NKX6-1: variants seen among roughly 807,000 people sequenced by gnomAD.
NKX6-1 encodes homeobox protein Nkx-6.1.
A neutral mutation model predicts 24.9 loss-of-function variants in NKX6-1; 11 were observed. That is an observed-to-expected ratio of 0.44 (90% CI 0.28 to 0.73). The LOEUF is 0.73. Among genes scored for constraint, NKX6-1 ranks in the 30% least tolerant of loss-of-function variants. The probability of loss-of-function intolerance (pLI) is 0.15; values close to 1 mark genes in which losing one functional copy is unlikely to be tolerated. For missense variants in NKX6-1, 487 were observed against 502.9 expected, an observed-to-expected ratio of 0.97 and a Z score of 0.30; for synonymous variants, 277 against 242.9, an observed-to-expected ratio of 1.14 and a Z score of -1.31.
intron 2 of NKX6-1, among the ~76,000 whole-genome samples, chr4:84,494,070 C>G (rs996416145): frequency 2.0e-5 from 3 of 150,198 alleles, no homozygotes; most frequent in African/African-American, 7.4e-5. Flanking sequence ...CTCCTTTTCA[C>G]TTTTAAACAT....
rs775470237 is a variant in NKX6-1 at position 84,495,721 on chromosome 4, T to C, written c.794A>G (p.Glu265Gly). ...CAACGAATAGGCCAAACGAGCCCTC[T>C]CGGGCCCCGCCAAGTATTTTGTTTG... ...FEQTKYLAGP[E>G]RARLAYSLGM... The change falls in exon 2 of 3, where the codon GAG becomes GGG. Residue 265 changes from glutamate to glycine, a missense_variant. Coordinates refer to ENST00000295886, the MANE Select transcript of NKX6-1 (RefSeq NM_006168.3). 6 of 1,613,074 alleles carry C rather than the reference T, an allele frequency of 3.7e-6. No individual in the cohort carries two copies. In the South Asian group the frequency reaches 5.5e-5, roughly 15 times the overall value.
Position 84,495,640 on chromosome 4 carries a change from C to T in NKX6-1, c.843+32G>A, listed in dbSNP as rs117620724. The T allele has an allele frequency of 4.7e-3, 7,560 of 1,598,880 alleles. 225 individuals are homozygous for T. In the East Asian group the frequency reaches 0.052, roughly 11 times the overall value. Reference sequence around the variant, plus strand: ...GCACGCGCGCGCGACAGGGGCGGTACCTATCCCTCCAGGTATGCAAGGTCC... The same window carrying T: ...GCACGCGCGCGCGACAGGGGCGGTATCTATCCCTCCAGGTATGCAAGGTCC... On this transcript the variant is annotated intron_variant, in intron 2 of 2. Transcript: ENST00000295886.
chr4:84,493,658 C>A lies in NKX6-1; in HGVS notation c.844-109G>T. 2 of 1,371,592 alleles carry A rather than the reference C, an allele frequency of 1.5e-6. No homozygotes were observed. The highest frequency in any genetic ancestry group is 1.3e-5 in the South Asian group (1 of 75,094). 85.0% of individuals were successfully genotyped at this position (1,371,592 alleles called of 1,614,324 possible). ...TCTCGATGGCCCTCCCGCGGCCCCC[C>A]GAAGGCCTGCTGCCCTCCCTCGCAG... On this transcript the variant is annotated intron_variant, in intron 2 of 2. Coordinates refer to ENST00000295886, the MANE Select transcript of NKX6-1 (RefSeq NM_006168.3). The surrounding 1 kb of genome is among the most constrained non-coding windows in gnomAD (Gnocchi z 5.1).
chr4:84,496,083 A>T (rs1040810417), intron 1 of NKX6-1, among the ~76,000 whole-genome samples: 2 of 152,130 alleles, frequency 1.3e-5, no homozygotes, highest in Non-Finnish European at 2.9e-5. Flanking sequence ...CCTTCTGCTC[A>T]ACACCGACGT....
At position 84,498,419 on chromosome 4, in the gene NKX6-1, C is replaced by A; in HGVS notation, c.-191G>T. ...CGCCTAGCTGCGCAGCAGAGATGTC[C>A]AAACCCTCCACGCGGGAGGCGGCAG... On this transcript the variant is annotated 5_prime_UTR_variant, in exon 1 of 3. Coordinates refer to ENST00000295886, the MANE Select transcript of NKX6-1 (RefSeq NM_006168.3). 2 of 526,572 alleles carry A rather than the reference C, an allele frequency of 3.8e-6. No individual in the cohort carries two copies. The highest frequency in any genetic ancestry group is 5.8e-6 in the Non-Finnish European group (2 of 344,158). The allele number at this position is 526,572 out of a possible 1,614,324, so 32.6% of individuals were successfully genotyped here.
chr4:84,493,555 G>A lies in NKX6-1; in HGVS notation c.844-6C>T. 6.2e-7 allele frequency: 1 copy of A among 1,613,922 alleles called. No homozygotes were observed. Among genetic ancestry groups the A allele is most frequent in the Middle Eastern group, 1.7e-4 (1 of 6,060 alleles). On this transcript the variant is annotated splice_region_variant and splice_polypyrimidine_tract_variant and intron_variant, in intron 2 of 2. Transcript: ENST00000295886. This position sits in a 1 kb window ranked among gnomAD's most constrained non-coding sequence, Gnocchi z 5.1. ...CGGCGGTTCTGGAACCAGACCTGAG[G>A]GCGGAGAAAAGGGAGGAGAGGGGAG...
rs778852846 is a variant in NKX6-1 at position 84,497,904 on chromosome 4, C to T, written c.325G>A (p.Val109Met). ...NDILSRPSMP[V>M]ASGAALPSAS... The stretch of plus-strand genomic sequence containing the variant: ...GAGGGCAGGGCGGCCCCCGAGGCCA[C>T]GGGCATGGAGGGCCGGCTCAGGATA... The change falls in exon 1 of 3, where the codon GTG (valine) becomes ATG (methionine). Residue 109 changes from valine (V) to methionine (M), a missense_variant. Physicochemically the swap from Val to Met is conservative, Grantham distance 21. This residue lies in a region of NKX6-1 where 316 missense variants were observed against 311.4 expected (regional missense o/e 1.01). Coordinates refer to ENST00000295886, the MANE Select transcript of NKX6-1 (RefSeq NM_006168.3). The surrounding 1 kb of genome is among the most constrained non-coding windows in gnomAD (Gnocchi z 4.8). 1 of 1,294,242 alleles carries T rather than the reference C, an allele frequency of 7.7e-7. No homozygotes were observed. Among genetic ancestry groups the T allele is most frequent in the South Asian group, 3.3e-5 (1 of 30,144 alleles). 80.2% of individuals were successfully genotyped at this position (1,294,242 alleles called of 1,614,324 possible). A position where few individuals can be genotyped will look rare whatever the true frequency, so the allele number is the denominator to read the frequency against.
At chr4:84,496,002 G>C (rs1437394036) in intron 1 of NKX6-1, among the ~76,000 whole-genome samples, 158 bp from the exon 2 acceptor site, 1 of 152,168 alleles carries the variant, frequency 6.6e-6, no homozygotes, top group African/African-American at 2.4e-5. Context: ...CCAGACTAAC[G>C]GCACGTCTCC....
At chr4:84,494,304 A>G (rs1212681476) in intron 2 of NKX6-1, among the ~76,000 whole-genome samples, 1 of 152,234 alleles carries the variant, frequency 6.6e-6, no homozygotes, top group African/African-American at 2.4e-5. Context: ...ATTGTCAATT[A>G]CATTATTTTC....
At chr4:84,495,214 T>C (rs551957292) in intron 2 of NKX6-1, among the ~76,000 whole-genome samples, 2 of 152,232 alleles carry the variant, frequency 1.3e-5, no homozygotes, top group Non-Finnish European at 2.9e-5. Context: ...ACTTGCGAAT[T>C]AATACAGTAG....
In NKX6-1 at chr4:84,499,075, C is replaced by T. The variant is rs1331742491; in HGVS notation, c.-847G>A. On this transcript the variant is annotated 5_prime_UTR_variant, in exon 1 of 3. Transcript: ENST00000295886. The stretch of plus-strand genomic sequence containing the variant: ...CCGCTCGTCAGTCCACTTCTGCAAA[C>T]GGGCCCGGCGACCCCCGCCCCACCC... 6.6e-6 allele frequency among the ~76,000 whole-genome samples: 1 copy of T among 152,120 alleles called. No homozygotes were observed. The highest frequency in any genetic ancestry group is 1.5e-5 in the Non-Finnish European group (1 of 68,036).
Position 84,493,577 on chromosome 4 carries a change from G to C in NKX6-1, c.844-28C>G. ...GAGGGCGGAGAAAAGGGAGGAGAGG[G>C]GAGGCAAGGGCGAGGAATTAAACGA... On this transcript the variant is annotated intron_variant, in intron 2 of 2. Transcript: ENST00000295886. The surrounding 1 kb of genome is among the most constrained non-coding windows in gnomAD (Gnocchi z 5.1). 2 of 1,612,548 alleles carry C rather than the reference G, an allele frequency of 1.2e-6. No homozygotes were observed. The highest frequency in any genetic ancestry group is 1.1e-5 in the South Asian group (1 of 91,014).
chr4:84,494,353 C>T (rs1285683563), intron 2 of NKX6-1, among the ~76,000 whole-genome samples: 3 of 152,110 alleles, frequency 2.0e-5, no homozygotes, highest in African/African-American at 7.2e-5. Flanking sequence ...GTTATTTTAA[C>T]TGTGTTCCTG....
intron 2 of NKX6-1, among the ~76,000 whole-genome samples, chr4:84,495,437 G>T (rs1469444678): frequency 6.6e-6 from 1 of 152,144 alleles, no homozygotes; most frequent in Non-Finnish European, 1.5e-5. Context: ...AATTTCAAAG[G>T]CGGGGACTTG....
At position 84,498,529 on chromosome 4, in the gene NKX6-1, T is replaced by C; in HGVS notation, c.-301A>G. 2.9e-6 allele frequency: 1 copy of C among 350,538 alleles called. No homozygotes were observed. The highest frequency in any genetic ancestry group is 5.1e-6 in the Non-Finnish European group (1 of 195,660). 21.7% of individuals were successfully genotyped at this position (350,538 alleles called of 1,614,324 possible). A position where few individuals can be genotyped will look rare whatever the true frequency, so the allele number is the denominator to read the frequency against. On this transcript the variant is annotated 5_prime_UTR_variant, in exon 1 of 3. Transcript: ENST00000295886. ...AGATTCGATCCCTGGCTATTCTCTC[T>C]TCCTCACTTTTCCTAGCTGTTCAAA...
Position 84,493,299 on chromosome 4 carries a change from C to T in NKX6-1, c.1094G>A (p.Ser365Asn). 7.7e-6 allele frequency: 12 copies of T among 1,560,734 alleles called. No individual in the cohort carries two copies. Among genetic ancestry groups the T allele is most frequent in the Non-Finnish European group, 9.5e-6 (11 of 1,156,966 alleles). The change falls in exon 3 of 3, where the codon AGC becomes AAC. Residue 365 changes from serine (S) to asparagine (N), a missense_variant. By Grantham distance (46) the Ser-to-Asn change is conservative. Coordinates refer to ENST00000295886, the MANE Select transcript of NKX6-1 (RefSeq NM_006168.3). The surrounding 1 kb of genome is among the most constrained non-coding windows in gnomAD (Gnocchi z 5.1). ...GGCGGGCGGCGGCGTTCAGGATGAG[C>T]TCTCCGGCTCGGACGCGTGCAGTAG... ...GLLLHASEPE[S>N]SS
chr4:84,494,845 T>C (rs1162901489), intron 2 of NKX6-1, among the ~76,000 whole-genome samples: 3 of 151,856 alleles, frequency 2.0e-5, no homozygotes, highest in Non-Finnish European at 2.9e-5. Flanking sequence ...CATAACAAAC[T>C]GAAAAAGAAG....
chr4:84,498,203 C>T lies in NKX6-1; in HGVS notation c.26G>A (p.Gly9Asp). MLAVGAME[G>D]TRQSAFLLSS... ...GAGCAGGAATGCGCTCTGCCGGGTG[C>T]CCTCCATTGCCCCCACCGCTAACAT... The change falls in exon 1 of 3, where the codon GGC becomes GAC. Residue 9 changes from glycine (G) to aspartate (D), a missense_variant. Gly to Asp is a moderately conservative substitution (Grantham distance 94). Transcript: ENST00000295886. 7.7e-7 allele frequency: 1 copy of T among 1,296,272 alleles called. No homozygotes were observed. 80.3% of individuals were successfully genotyped at this position (1,296,272 alleles called of 1,614,324 possible).
chr4:84,495,626 C>A (rs1304798673), intron 2 of NKX6-1, 46 bp downstream of exon 2: 12 of 1,557,620 alleles, frequency 7.7e-6, no homozygotes, highest in South Asian at 2.3e-5. Context: ...CACGCGCGCG[C>A]GACAGGGGCG....
Sources: gnomAD v4.1 joint callset for allele counts (sites outside exome capture counted in the v4.1 genomes callset) on GRCh38, gnomAD v4.1.1 for gene constraint, gnomAD v4.1.1 regional missense constraint, Gnocchi (gnomAD v3.1) non-coding constraint, MANE v1.5 for transcripts, NCBI Gene and HGNC (gene_info 2026-07-23, HGNC 2026-07-21) for gene names.